SCMH1: variants seen among roughly 807,000 people sequenced by gnomAD.
SCMH1 encodes polycomb protein SCMH1.
Under a neutral mutation model 70.8 loss-of-function variants are expected in SCMH1, and 37 were observed. That is an observed-to-expected ratio of 0.52 (90% CI 0.40 to 0.69). SCMH1 has a LOEUF of 0.69. SCMH1 is among the 30% of genes least tolerant of loss of function. The pLI, the probability that SCMH1 is intolerant of heterozygous loss-of-function variation, is 0.00. For missense variants in SCMH1, 607 were observed against 827.3 expected, an observed-to-expected ratio of 0.73 and a Z score of 3.27; for synonymous variants, 292 against 307.4, an observed-to-expected ratio of 0.95 and a Z score of 0.52.
At chr1:41,052,717 A>G (rs1156812627) in intron 10 of SCMH1, among the ~76,000 whole-genome samples, 1 of 152,190 alleles carries the variant, frequency 6.6e-6, no homozygotes, top group Non-Finnish European at 1.5e-5. Flanking sequence ...ACCAGATACA[A>G]AAGAGTACAT....
intron 10 of SCMH1, among the ~76,000 whole-genome samples, chr1:41,064,757 A>C (rs1653986421): frequency 6.6e-6 from 1 of 151,892 alleles, no homozygotes; most frequent in South Asian, 2.1e-4. Context: ...TATAAAAAAA[A>C]TAAAAATAAA....
intron 10 of SCMH1, among the ~76,000 whole-genome samples, chr1:41,056,050 G>T (rs938595851): frequency 1.3e-5 from 2 of 152,240 alleles, no homozygotes; most frequent in African/African-American, 4.8e-5. Flanking sequence ...GAGAGGTGGG[G>T]TCTACTCCTC....
chr1:41,231,690 G>A (rs1476010987), intron 1 of SCMH1, among the ~76,000 whole-genome samples: 1 of 152,056 alleles, frequency 6.6e-6, no homozygotes, highest in Non-Finnish European at 1.5e-5. Flanking sequence ...TTTCTCAAAC[G>A]TTCCTTGTTT....
At chr1:41,077,543 A>G (rs973611032) in intron 8 of SCMH1, among the ~76,000 whole-genome samples, 7 of 152,168 alleles carry the variant, frequency 4.6e-5, no homozygotes, top group African/African-American at 1.7e-4. Flanking sequence ...CCTCTTAAAG[A>G]TATTTTAAAA....
intron 1 of SCMH1, among the ~76,000 whole-genome samples, chr1:41,194,802 T>C (rs1652600666): frequency 6.6e-6 from 1 of 152,004 alleles, no homozygotes; most frequent in African/African-American, 2.4e-5. Context: ...GGAACCAGAG[T>C]AAGAAATTGT....
chr1:41,110,604 T>C (rs940227811), intron 8 of SCMH1, among the ~76,000 whole-genome samples: 1 of 152,366 alleles, frequency 6.6e-6, no homozygotes. Context: ...ATCTATACTG[T>C]AGCATGTATT....
intron 8 of SCMH1, chr1:41,098,902 C>T: frequency 4.6e-6 from 1 of 217,538 alleles, no homozygotes; most frequent in Non-Finnish European, 9.2e-6. Flanking sequence ...ACCGCTATGC[C>T]ATTATTAAGT....
At chr1:41,057,883 G>A (rs1364008393) in intron 10 of SCMH1, among the ~76,000 whole-genome samples, 3 of 152,000 alleles carry the variant, frequency 2.0e-5, no homozygotes, top group Non-Finnish European at 4.4e-5. Flanking sequence ...CTTTGTGGGG[G>A]GTCAAGGCCA....
chr1:41,162,332 T>C (rs1572742171), intron 2 of SCMH1, among the ~76,000 whole-genome samples: 2 of 151,700 alleles, frequency 1.3e-5, no homozygotes, highest in African/African-American at 2.4e-5. Context: ...GGCAGATAGG[T>C]TCCTAAGCAG....
At chr1:41,053,932 C>A (rs1332000495) in intron 10 of SCMH1, among the ~76,000 whole-genome samples, 1 of 152,016 alleles carries the variant, frequency 6.6e-6, no homozygotes, top group Non-Finnish European at 1.5e-5. Context: ...GCAAGCTCCG[C>A]CTCCCGGGTT....
At chr1:41,085,834 C>T (rs1044903510) in intron 8 of SCMH1, among the ~76,000 whole-genome samples, 2 of 141,180 alleles carry the variant, frequency 1.4e-5, no homozygotes, top group Non-Finnish European at 3.0e-5. Flanking sequence ...ATTAATTTCA[C>T]CTGCTTTTTT....
chr1:41,125,720 C>T (rs188624168), intron 6 of SCMH1, among the ~76,000 whole-genome samples: 53 of 150,830 alleles, frequency 3.5e-4, no homozygotes, highest in African/African-American at 1.1e-3. Flanking sequence ...ACCACAGATG[C>T]GTGACACCAT....
chr1:41,096,837 A>C (rs1665212758), intron 8 of SCMH1, among the ~76,000 whole-genome samples: 1 of 152,114 alleles, frequency 6.6e-6, no homozygotes, highest in Non-Finnish European at 1.5e-5. Context: ...GTATGAAACA[A>C]TCCTAATGCT....
At chr1:41,143,112 A>G in exon 6 of SCMH1, 1 of 1,613,168 alleles carries the variant, frequency 6.2e-7, no homozygotes, top group South Asian at 1.1e-5. Context: ...GGTGTGTAGG[A>G]CTGGGAAAAA....
At chr1:41,169,997 T>C (rs1306838512) in intron 2 of SCMH1, among the ~76,000 whole-genome samples, 2 of 152,120 alleles carry the variant, frequency 1.3e-5, no homozygotes, top group Non-Finnish European at 2.9e-5. Flanking sequence ...ACTCCCCCAA[T>C]GTAAGTTAGT....
chr1:41,150,708 G>A (rs1373939243), intron 5 of SCMH1, among the ~76,000 whole-genome samples: 1 of 151,624 alleles, frequency 6.6e-6, no homozygotes. Flanking sequence ...AGGCCGAGGC[G>A]GGCAGATCAT....
At chr1:41,136,094 C>A (rs1335286642) in intron 6 of SCMH1, among the ~76,000 whole-genome samples, 6 of 152,076 alleles carry the variant, frequency 3.9e-5, no homozygotes, top group Non-Finnish European at 2.9e-5. Context: ...TGGGCGTGAG[C>A]CACCACGCCT....
chr1:41,235,693 C>G (rs376593925), intron 1 of SCMH1, among the ~76,000 whole-genome samples: 1 of 151,412 alleles, frequency 6.6e-6, no homozygotes, highest in East Asian at 1.9e-4. Flanking sequence ...AATTTAAGCT[C>G]TGTGTGTGCC....
At chr1:41,124,130 T>G (rs984588092) in intron 6 of SCMH1, among the ~76,000 whole-genome samples, 1 of 152,200 alleles carries the variant, frequency 6.6e-6, no homozygotes, top group African/African-American at 2.4e-5. Flanking sequence ...TGAACAATTA[T>G]GTACCCTTCA....
Sources: allele counts gnomAD v4.1 joint callset (sites outside exome capture counted in the v4.1 genomes callset), GRCh38; gene constraint gnomAD v4.1.1; transcripts MANE v1.5; gene names NCBI Gene and HGNC (gene_info 2026-07-23, HGNC 2026-07-21).